GXYLT2: variants seen among roughly 807,000 people sequenced by gnomAD.
The protein encoded by GXYLT2 is glucoside xylosyltransferase 2.
A neutral mutation model predicts 45.8 loss-of-function variants in GXYLT2; 53 were observed. The ratio of observed to expected loss-of-function variants is 1.16; its 90% confidence interval spans 0.93 to 1.46. The LOEUF (loss-of-function observed/expected upper bound fraction) is 1.46, where lower values mean the gene tolerates loss of function less well. Among genes scored for constraint, GXYLT2 ranks in the 40% most tolerant of loss-of-function variants. GXYLT2 has a pLI of 0.00. For synonymous variants in GXYLT2, 219 were observed against 214.2 expected, an observed-to-expected ratio of 1.02 and a Z score of -0.19; for missense variants, 551 against 544.4, an observed-to-expected ratio of 1.01 and a Z score of -0.12.
chr3:72,956,079 T>A (rs1440571206), intron 4 of GXYLT2, among the ~76,000 whole-genome samples: 1 of 152,096 alleles, frequency 6.6e-6, no homozygotes, highest in African/African-American at 2.4e-5. Context: ...ATTATTTGTA[T>A]GCCTTAGAAA....
intron 6 of GXYLT2, among the ~76,000 whole-genome samples, chr3:72,974,447 A>T (rs908389763): frequency 4.6e-5 from 7 of 152,232 alleles, no homozygotes; most frequent in Non-Finnish European, 1.0e-4. Flanking sequence ...AGGTCAAAAA[A>T]GATGAAGAAT....
chr3:72,956,397 A>G (rs374952709), intron 4 of GXYLT2, among the ~76,000 whole-genome samples: 1 of 152,190 alleles, frequency 6.6e-6, no homozygotes, highest in African/African-American at 2.4e-5. Flanking sequence ...CTGTTTGAAT[A>G]ATTCAGTCTG....
chr3:72,905,361 G>T (rs1709491968), intron 1 of GXYLT2, among the ~76,000 whole-genome samples: 1 of 152,102 alleles, frequency 6.6e-6, no homozygotes. Context: ...CAAGTGGTCT[G>T]CCCGCCTCGA....
At chr3:72,961,397 A>G (rs1710765755) in intron 5 of GXYLT2, among the ~76,000 whole-genome samples, 1 of 152,264 alleles carries the variant, frequency 6.6e-6, no homozygotes, top group African/African-American at 2.4e-5. Flanking sequence ...TCATGATCAC[A>G]CGAGTCAAAT....
At chr3:72,908,163 C>T in intron 1 of GXYLT2, 1 of 540,108 alleles carries the variant, frequency 1.9e-6, no homozygotes, top group South Asian at 2.4e-5. Flanking sequence ...AGTGACTCAT[C>T]CTGCTATTGC....
At chr3:72,913,551 C>T (rs1709676987) in intron 2 of GXYLT2, among the ~76,000 whole-genome samples, 1 of 151,786 alleles carries the variant, frequency 6.6e-6, no homozygotes. Context: ...AAAAATTAGC[C>T]AGGCTTAGTG....
chr3:72,929,364 G>GA, intron 3 of GXYLT2: 1 of 1,064,878 alleles, frequency 9.4e-7, no homozygotes, highest in Non-Finnish European at 1.4e-6. Context: ...TTACATTTGG[G>GA]GAAAAAAAAA....
chr3:72,951,526 TG>T (rs1710525149), intron 3 of GXYLT2, among the ~76,000 whole-genome samples: 1 of 152,166 alleles, frequency 6.6e-6, no homozygotes, highest in African/African-American at 2.4e-5. Context: ...ACAACTTGGG[TG>T]GGTGGTAAAC....
intron 1 of GXYLT2, among the ~76,000 whole-genome samples, chr3:72,890,065 G>A (rs909481191): frequency 3.9e-5 from 6 of 152,116 alleles, no homozygotes; most frequent in Admixed American, 2.0e-4. Flanking sequence ...GCAAACAGGC[G>A]TGTGCCACCA....
chr3:72,912,440 T>C (rs1393609328), intron 2 of GXYLT2, among the ~76,000 whole-genome samples: 2 of 152,182 alleles, frequency 1.3e-5, no homozygotes, highest in East Asian at 3.8e-4. Context: ...CATGCCACCA[T>C]GCCTTGCCTG....
chr3:72,934,666 A>T (rs1193284979), intron 3 of GXYLT2, among the ~76,000 whole-genome samples: 1 of 152,188 alleles, frequency 6.6e-6, no homozygotes, highest in Admixed American at 6.6e-5. Flanking sequence ...TTAACTTGGA[A>T]TTTGATTCTC....
At chr3:72,937,147 T>G (rs963853377) in intron 3 of GXYLT2, among the ~76,000 whole-genome samples, 2 of 152,204 alleles carry the variant, frequency 1.3e-5, no homozygotes, top group African/African-American at 4.8e-5. Context: ...TTTCCCCTAA[T>G]TGCGAGGAAT....
chr3:72,907,138 A>C (rs1047091176), intron 1 of GXYLT2, among the ~76,000 whole-genome samples: 3 of 152,176 alleles, frequency 2.0e-5, no homozygotes, highest in Non-Finnish European at 4.4e-5. Flanking sequence ...TTCCAGAGAT[A>C]CTTGGGATGT....
intron 3 of GXYLT2, among the ~76,000 whole-genome samples, chr3:72,944,655 A>C (rs1710370216): frequency 6.6e-6 from 1 of 152,010 alleles, no homozygotes; most frequent in South Asian, 2.1e-4. Flanking sequence ...CACCTCCTGA[A>C]TTAATCCTCT....
intron 6 of GXYLT2, among the ~76,000 whole-genome samples, chr3:72,971,382 G>T (rs1710983060): frequency 6.6e-6 from 1 of 152,146 alleles, no homozygotes. Context: ...CATCATAAAA[G>T]ATGTATTTCC....
intron 1 of GXYLT2, among the ~76,000 whole-genome samples, chr3:72,903,959 T>A (rs561885085): frequency 2.6e-5 from 4 of 152,296 alleles, no homozygotes; most frequent in African/African-American, 7.2e-5. Flanking sequence ...CCAGGTGGTA[T>A]CACCAGAGAT....
At chr3:72,894,277 T>G (rs1709238166) in intron 1 of GXYLT2, among the ~76,000 whole-genome samples, 1 of 152,184 alleles carries the variant, frequency 6.6e-6, no homozygotes, top group Admixed American at 6.5e-5. Context: ...AGGGTTCTGT[T>G]ACTGCATCCA....
intron 5 of GXYLT2, among the ~76,000 whole-genome samples, chr3:72,963,669 A>ATTTTTT: frequency 8.1e-6 from 1 of 123,380 alleles, no homozygotes; most frequent in East Asian, 2.3e-4. Context: ...TGCCTAGCTA[A>ATTTTTT]TTTTTTTTTT....
intron 1 of GXYLT2, among the ~76,000 whole-genome samples, chr3:72,896,883 C>G (rs940626933): frequency 6.6e-6 from 1 of 151,844 alleles, no homozygotes; most frequent in South Asian, 2.1e-4. Context: ...ACTAGCAGTT[C>G]AAATCCGTTT....
Sources: allele counts gnomAD v4.1 joint callset (sites outside exome capture counted in the v4.1 genomes callset), GRCh38; gene constraint gnomAD v4.1.1; transcripts MANE v1.5; gene names NCBI Gene and HGNC (gene_info 2026-07-23, HGNC 2026-07-21).